GABRG2: variants seen among roughly 807,000 people sequenced by gnomAD.
GABRG2 encodes gamma-aminobutyric acid type A receptor subunit gamma2, also known as gamma-aminobutyric acid receptor subunit gamma-2.
In GABRG2, 16 loss-of-function variants were observed where a neutral mutation model predicts 56.4. The ratio of observed to expected loss-of-function variants is 0.28; its 90% CI spans 0.19 to 0.43. The LOEUF (loss-of-function observed/expected upper bound fraction) is 0.43. Among genes scored for constraint, GABRG2 ranks in the 20% least tolerant of loss-of-function variants. GABRG2 has a pLI of 1.00. For synonymous variants in GABRG2, 208 were observed against 205.5 expected (o/e 1.01, Z -0.10); for missense variants, 327 against 582.7 (o/e 0.56, Z 4.52).
At chr5:162,102,611 G>A (rs1020526378) in intron 5 of GABRG2, 7 of 453,472 alleles carry the variant, frequency 1.5e-5, no homozygotes, top group African/African-American at 2.0e-5. Flanking sequence ...GCTCACTACA[G>A]CCTTCGCTTC....
At chr5:162,099,048 TA>T (rs1258557973) in intron 4 of GABRG2, 1 of 152,054 alleles carries the variant, frequency 6.6e-6, no homozygotes, top group African/African-American at 2.4e-5. Context: ...TCAATCAAAA[TA>T]AGAATAATGC....
chr5:162,096,590 C>T (rs1002086408), intron 3 of GABRG2, among the ~76,000 whole-genome samples: 7 of 151,806 alleles, frequency 4.6e-5, no homozygotes, highest in African/African-American at 1.7e-4. Flanking sequence ...AAAAATGAAA[C>T]TAAATGATGA....
At chr5:162,101,356 C>G in intron 5 of GABRG2, 39 bp downstream of exon 5, 1 of 1,312,922 alleles carries the variant, frequency 7.6e-7, no homozygotes, top group Non-Finnish European at 1.1e-6. Flanking sequence ...CCTCCCTCAC[C>G]TACAGTCTTT....
chr5:162,149,355 T>C, intron 8 of GABRG2, 42 bp downstream of exon 8: 1 of 1,598,482 alleles, frequency 6.3e-7, no homozygotes, highest in South Asian at 1.1e-5. Flanking sequence ...ATTTTTATGA[T>C]TTCGGTTTAG....
intron 5 of GABRG2, chr5:162,102,081 A>T (rs1461442271): frequency 1.3e-5 from 2 of 157,834 alleles, no homozygotes; most frequent in African/African-American, 4.8e-5. Context: ...GTAATTTCTC[A>T]ACCAGGGAGT....
intron 7 of GABRG2, among the ~76,000 whole-genome samples, chr5:162,144,704 C>A (rs1191745013): frequency 6.6e-6 from 1 of 152,122 alleles, no homozygotes; most frequent in East Asian, 1.9e-4. Context: ...AGTAGATCTG[C>A]ACCTCAGCTG....
chr5:162,087,151 A>G (rs1010335237), intron 1 of GABRG2, among the ~76,000 whole-genome samples: 4 of 152,078 alleles, frequency 2.6e-5, no homozygotes, highest in African/African-American at 9.7e-5. Flanking sequence ...ATGGACTCTA[A>G]TGATAATTTC....
Position 162,133,934 on chromosome 5 carries a change from A to T in GABRG2, c.770-8230A>T, listed in dbSNP as rs1763939721. ...AGAGGCAGGCTGGTATTCCAGACAA[A>T]TGAGTTTTCAGCTTCCTAAAGCTAA... On this transcript the variant is annotated intron_variant, in intron 6 of 9. Transcript: ENST00000639213. 2.0e-5 allele frequency among the ~76,000 whole-genome samples: 3 copies of T among 152,246 alleles called. No homozygotes were observed. The South Asian group carries it at 6.2e-4, about 32-fold the overall frequency.
chr5:162,109,885 C>G (rs923565907), intron 6 of GABRG2, among the ~76,000 whole-genome samples: 2 of 152,012 alleles, frequency 1.3e-5, no homozygotes, highest in African/African-American at 4.8e-5. Flanking sequence ...GGGAAACTTA[C>G]ATTGGTGGGA....
At chr5:162,109,417 TA>T (rs1762094854) in intron 6 of GABRG2, among the ~76,000 whole-genome samples, 5 of 137,892 alleles carry the variant, frequency 3.6e-5, no homozygotes, top group Admixed American at 7.2e-5. Flanking sequence ...TATATATATA[TA>T]TATATTTATT....
intron 1 of GABRG2, among the ~76,000 whole-genome samples, chr5:162,090,828 G>A (rs1408282371): frequency 6.6e-6 from 1 of 152,056 alleles, no homozygotes; most frequent in Non-Finnish European, 1.5e-5. Context: ...ACTGTTGAGT[G>A]AATTCTTCAA....
At chr5:162,134,961 G>T (rs1561656098) in intron 6 of GABRG2, among the ~76,000 whole-genome samples, 1 of 152,126 alleles carries the variant, frequency 6.6e-6, no homozygotes, top group Non-Finnish European at 1.5e-5. Flanking sequence ...GAAAAATTAT[G>T]TGAATGCACT....
At chr5:162,146,410 A>G (rs1454153857) in intron 7 of GABRG2, among the ~76,000 whole-genome samples, 2 of 152,156 alleles carry the variant, frequency 1.3e-5, no homozygotes, top group Non-Finnish European at 2.9e-5. Flanking sequence ...TAGAAGCATT[A>G]TGAGGATCTT....
At chr5:162,098,055 A>T (rs1366882667) in intron 4 of GABRG2, 197 bp downstream of exon 4, 2 of 594,552 alleles carry the variant, frequency 3.4e-6, no homozygotes, top group African/African-American at 1.9e-5. Flanking sequence ...TTTTCAAAGC[A>T]CTAATTATAG....
At chr5:162,150,802 C>T (rs1022594818) in intron 8 of GABRG2, 1 of 152,194 alleles carries the variant, frequency 6.6e-6, no homozygotes, top group Non-Finnish European at 1.5e-5. Context: ...AAGAAAGAAA[C>T]ATCATTATTC....
Position 162,129,891 on chromosome 5 carries a change from A to C in GABRG2, c.770-12273A>C, listed in dbSNP as rs183755904. Among the ~76,000 whole-genome samples the C allele has an allele frequency of 5.7e-3, 866 of 152,052 alleles. 8 individuals are homozygous for C. Among genetic ancestry groups the C allele is most frequent in the African/African-American group, 0.019 (789 of 41,520 alleles). On this transcript the variant is annotated intron_variant, in intron 6 of 9. Transcript: ENST00000639213. ...TAGGGTTTTCAGAGATCTATTATTTAATTGAATTTGTTATAATTTATAGGG... is the reference window on the plus strand; with the variant it reads ...TAGGGTTTTCAGAGATCTATTATTTCATTGAATTTGTTATAATTTATAGGG...
Position 162,142,270 on chromosome 5 carries a change from G to A in GABRG2, c.876G>A (p.Val292=). The change falls in exon 7 of 10, where the codon GTG becomes GTA. Residue 292 remains valine (V), a synonymous_variant. Coordinates refer to ENST00000639213, the MANE Select transcript of GABRG2 (RefSeq NM_198904.4). ...PCTLIVVLSW[V]SFWINKDAVP... ...CACTCATTGTCGTCCTATCCTGGGT[G>A]TCTTTCTGGATCAATAAGGATGCTG... The A allele has an allele frequency of 6.2e-7, 1 of 1,614,108 alleles. No individual in the cohort carries two copies. Among genetic ancestry groups the A allele is most frequent in the Non-Finnish European group, 8.5e-7 (1 of 1,179,994 alleles).
At chr5:162,140,944 T>C (rs1764515667) in intron 6 of GABRG2, among the ~76,000 whole-genome samples, 1 of 152,224 alleles carries the variant, frequency 6.6e-6, no homozygotes, top group South Asian at 2.1e-4. Context: ...ATTGTTCTCA[T>C]GCATCGCTAC....
chr5:162,072,763 T>C (rs1263873625), intron 1 of GABRG2, among the ~76,000 whole-genome samples: 3 of 151,882 alleles, frequency 2.0e-5, no homozygotes, highest in Non-Finnish European at 2.9e-5. Flanking sequence ...CAACCACATT[T>C]GAGAGACTAG....
Sources: allele counts gnomAD v4.1 joint callset (sites outside exome capture counted in the v4.1 genomes callset), GRCh38; gene constraint gnomAD v4.1.1; transcripts MANE v1.5; gene names NCBI Gene and HGNC (gene_info 2026-07-23, HGNC 2026-07-21).